ZNF596: variants seen among roughly 807,000 people sequenced by gnomAD.
ZNF596 encodes zinc finger protein 596.
ZNF596 carries 45 observed loss-of-function variants against 48.3 expected under a neutral mutation model. The observed-to-expected ratio is 0.93, with a 90% CI of 0.73 to 1.19. ZNF596 has a LOEUF of 1.19. Among genes scored for constraint, ZNF596 ranks in the 50% most tolerant of loss-of-function variants. The pLI, the probability that ZNF596 is intolerant of heterozygous loss-of-function variation, is 0.00. For missense variants in ZNF596, 848 were observed against 599.7 expected (o/e 1.41, Z -4.32); for synonymous variants, 270 against 202.0 (o/e 1.34, Z -2.85).
chr8:244,391 CTTCTTTGAAAATTT>C (rs1796975712), intron 4 of ZNF596: 1 of 538,566 alleles, frequency 1.9e-6, no homozygotes, highest in East Asian at 3.2e-5. Context: ...TAATGGTCCT[CTTCTTTGAAAATTT>C]TTCTTTCCTT....
intron 1 of ZNF596, chr8:237,765 G>C (rs1796678490): frequency 6.6e-6 from 1 of 152,188 alleles, no homozygotes; most frequent in Non-Finnish European, 1.5e-5. Context: ...CATATTTGGT[G>C]TTTAATTTTT....
intron 1 of ZNF596, among the ~76,000 whole-genome samples, chr8:238,344 C>T (rs969278499): frequency 3.9e-5 from 6 of 152,062 alleles, no homozygotes; most frequent in Non-Finnish European, 2.9e-5. Flanking sequence ...ATATGCATTT[C>T]GTGTCCCAGG....
At chr8:236,273 T>C (rs1347254567) in intron 1 of ZNF596, among the ~76,000 whole-genome samples, 5 of 152,240 alleles carry the variant, frequency 3.3e-5, no homozygotes, top group African/African-American at 9.6e-5. Flanking sequence ...ATATTCATAA[T>C]AGTTTTGCCC....
chr8:245,042 T>C (rs1291285567), intron 5 of ZNF596, 112 bp from the exon 6 acceptor site: 1 of 1,275,876 alleles, frequency 7.8e-7, no homozygotes, highest in African/African-American at 1.5e-5. Context: ...CAATTGTAAC[T>C]GGAGTCTACC....
rs772481097 is a variant in ZNF596, at chr8:245,647, G to C, written c.800G>C (p.Arg267Thr). 1.9e-6 allele frequency: 3 copies of C among 1,613,768 alleles called. No homozygotes were observed. The African/African-American group carries it at 4.0e-5, about 22-fold the overall frequency. Residue 267 changes from arginine (R) to threonine (T), a missense_variant, in exon 6 of 6, where the codon AGA becomes ACA. Transcript: ENST00000398612. ...GKAFSKSSNL[R>T]RHEMIHTREK... ...GCCTTCAGTAAAAGTTCTAACCTTA[G>C]ACGACATGAGATGATTCACACTAGA...
intron 1 of ZNF596, chr8:233,234 G>A: frequency 2.4e-6 from 1 of 417,678 alleles, no homozygotes; most frequent in Non-Finnish European, 5.1e-6. Flanking sequence ...GGAATCAGCA[G>A]AGATATGGAG....
In ZNF596 at chr8:242,919, C is replaced by G. The variant is rs915242040; in HGVS notation, c.45C>G (p.Asp15Glu). The change falls in exon 3 of 6, where the codon GAC becomes GAG. Residue 15 changes from aspartate to glutamate, a missense_variant. Transcript: ENST00000398612. ...DSMTFEDIIV[D>E]FTQEEWALLD... ...TGACCTTCGAGGATATCATTGTAGA[C>G]TTCACTCAAGAAGAGTGGGCCCTGC... 1.3e-6 allele frequency: 2 copies of G among 1,595,936 alleles called. No homozygotes were observed. The highest frequency in any genetic ancestry group is 1.3e-5 in the African/African-American group (1 of 74,338).
In ZNF596 at chr8:242,973, A is replaced by G. The variant is rs1278105523; in HGVS notation, c.99A>G (p.Gln33=). The change falls in exon 3 of 6, where the codon CAA becomes CAG. Residue 33 remains glutamine, a synonymous_variant. Coordinates refer to ENST00000398612, the MANE Select transcript of ZNF596 (RefSeq NM_001042416.3). ...ACACATCCCAGAGAAAGCTGTTTCA[A>G]GATGTGATGTTGGAGAACATCAGTC... ...LLDTSQRKLF[Q]DVMLENISHL... The G allele has an allele frequency of 1.2e-6, 2 of 1,612,360 alleles. No homozygotes were observed. Among genetic ancestry groups the G allele is most frequent in the Admixed American group, 1.7e-5 (1 of 59,978 alleles).
chr8:238,154 C>T (rs1796694436), intron 1 of ZNF596, among the ~76,000 whole-genome samples: 1 of 152,172 alleles, frequency 6.6e-6, no homozygotes, highest in African/African-American at 2.4e-5. Flanking sequence ...CTTTCTTATA[C>T]CTCCATTGTC....
chr8:244,190 G>A (rs1336771434), intron 4 of ZNF596: 9 of 208,934 alleles, frequency 4.3e-5, no homozygotes, highest in African/African-American at 1.4e-4. Context: ...ACGCCCAGCC[G>A]GAAGGTTTCT....
Position 243,728 on chromosome 8 carries a change from A to AGCTC in ZNF596, c.147_150dup (p.Cys51AlafsTer27), listed in dbSNP as rs763702995. On this transcript the variant is annotated frameshift_variant, in exon 4 of 6. Coordinates refer to ENST00000398612, the MANE Select transcript of ZNF596 (RefSeq NM_001042416.3). LOFTEE classifies it high-confidence loss of function. ...ATCTTTTTCCCCAAAACAGGCAAACAGCTCTGCAAATCAGTTGTGCTTTCC... is the reference window on the plus strand; with the variant it reads ...ATCTTTTTCCCCAAAACAGGCAAACAGCTCGCTCTGCAAATCAGTTGTGCTTTCC... The AGCTC allele has an allele frequency of 6.2e-6, 10 of 1,613,504 alleles. No individual in the cohort carries two copies. In the East Asian group the frequency reaches 2.0e-4, roughly 32 times the overall value.
Position 243,746 on chromosome 8 carries a change from T to C in ZNF596, c.164T>C (p.Val55Ala), listed in dbSNP as rs769031769. The C allele has an allele frequency of 6.2e-7, 1 of 1,613,790 alleles. No homozygotes were observed. The highest frequency in any genetic ancestry group is 8.5e-7 in the Non-Finnish European group (1 of 1,179,786). ...SIGKQLCKSV[V>A]LSQLEQVEKL... ...GGCAAACAGCTCTGCAAATCAGTTG[T>C]GCTTTCCCAATTGGAGCAAGTAGAG... The change falls in exon 4 of 6, where the codon GTG (valine) becomes GCG (alanine). Residue 55 changes from valine (V) to alanine (A), a missense_variant. Coordinates refer to ENST00000398612, the MANE Select transcript of ZNF596 (RefSeq NM_001042416.3).
At position 245,738 on chromosome 8, in the gene ZNF596, T is replaced by C. The variant is rs1374873996; in HGVS notation, c.891T>C (p.His297=). 1.2e-6 allele frequency: 2 copies of C among 1,613,988 alleles called. No homozygotes were observed. Among genetic ancestry groups the C allele is most frequent in the Non-Finnish European group, 1.7e-6 (2 of 1,180,012 alleles). ...CTCATTGCTCTGACCTTAGAAAACA[T>C]GAGAGAACTCACTTAGGAGATAAAC... The part of the protein sequence containing the change: ...AFTHCSDLRK[H]ERTHLGDKPY... The change falls in exon 6 of 6, where the codon CAT becomes CAC. Residue 297 remains histidine (H), a synonymous_variant. Transcript: ENST00000398612.
At position 246,222 on chromosome 8, in the gene ZNF596, A is replaced by C; in HGVS notation, c.1375A>C (p.Ser459Arg). Residue 459 changes from serine to arginine, a missense_variant, in exon 6 of 6, where the codon AGT becomes CGT. Transcript: ENST00000398612. ...CNICGKAFNRSYNFRLHRRVH... is the reference protein window; with the variant it reads ...CNICGKAFNRRYNFRLHRRVH... ...TATATGTGGTAAAGCCTTCAATAGAAGTTACAACTTTAGACTTCATAGAAG... is the reference window on the plus strand; with the variant it reads ...TATATGTGGTAAAGCCTTCAATAGACGTTACAACTTTAGACTTCATAGAAG... 2 of 1,613,850 alleles carry C rather than the reference A, an allele frequency of 1.2e-6. No homozygotes were observed. Among genetic ancestry groups the C allele is most frequent in the South Asian group, 1.1e-5 (1 of 91,064 alleles).
chr8:245,579 TCA>T lies in ZNF596; in HGVS notation c.736_737del (p.Thr246TrpfsTer16), dbSNP rs1797037811. The T allele has an allele frequency of 1.2e-6, 2 of 1,613,942 alleles. No homozygotes were observed. The highest frequency in any genetic ancestry group is 1.7e-6 in the Non-Finnish European group (2 of 1,180,016). ...CSDLRKHERT[H>X]TGEKPYGCHL... The stretch of plus-strand genomic sequence containing the variant: ...CTGATCTTCGAAAACATGAGAGAAC[TCA>T]CACTGGAGAGAAGCCATATGGATGT... On this transcript the variant is annotated frameshift_variant, in exon 6 of 6. Coordinates refer to ENST00000398612, the MANE Select transcript of ZNF596 (RefSeq NM_001042416.3). LOFTEE classifies it high-confidence loss of function.
chr8:240,065 G>A (rs904552731), intron 1 of ZNF596, among the ~76,000 whole-genome samples: 6 of 152,198 alleles, frequency 3.9e-5, no homozygotes, highest in Non-Finnish European at 8.8e-5. Flanking sequence ...GTTTTGGGTG[G>A]CTCTGTGCCA....
At chr8:241,123 G>T (rs1355349153) in intron 2 of ZNF596, among the ~76,000 whole-genome samples, 2 of 152,118 alleles carry the variant, frequency 1.3e-5, no homozygotes, top group Non-Finnish European at 2.9e-5. Flanking sequence ...CTCTACTAAG[G>T]CTGTGTATTA....
rs780790121 is a variant in ZNF596 at position 245,281 on chromosome 8, G to A, written c.434G>A (p.Gly145Glu). 2.5e-6 allele frequency: 4 copies of A among 1,614,012 alleles called. No individual in the cohort carries two copies. Among genetic ancestry groups the A allele is most frequent in the Non-Finnish European group, 2.5e-6 (3 of 1,179,988 alleles). The change falls in exon 6 of 6, where the codon GGG becomes GAG. Residue 145 changes from glycine to glutamate, a missense_variant. Gly to Glu is a moderately conservative substitution (Grantham distance 98). Transcript: ENST00000398612. Reference protein sequence around the residue: ...RTKHFVSKKFGKIFSDWLSFN... With the variant: ...RTKHFVSKKFEKIFSDWLSFN... ...AAACACTTTGTAAGCAAAAAGTTTG[G>A]GAAAATCTTCAGTGACTGGTTATCC...
chr8:237,804 C>G (rs1449658302), intron 1 of ZNF596: 1 of 152,222 alleles, frequency 6.6e-6, no homozygotes, highest in Non-Finnish European at 1.5e-5. Flanking sequence ...ACTCCAGATC[C>G]AAACTTGACA....
Sources: allele counts gnomAD v4.1 joint callset (sites outside exome capture counted in the v4.1 genomes callset), GRCh38; gene constraint gnomAD v4.1.1; transcripts MANE v1.5; gene names NCBI Gene and HGNC (gene_info 2026-07-23, HGNC 2026-07-21).